ARHGAP31: variants seen among roughly 807,000 people sequenced by gnomAD.
ARHGAP31 encodes the protein Rho GTPase activating protein 31.
ARHGAP31 carries 34 observed loss-of-function variants against 113.9 expected under a neutral mutation model. That is an observed-to-expected ratio of 0.30 (90% CI 0.23 to 0.40). ARHGAP31 has a LOEUF of 0.40. Ranked by LOEUF, ARHGAP31 falls within the 10% of genes least tolerant of loss-of-function variation. The pLI is 1.00. For missense variants in ARHGAP31, 1,548 were observed against 1,767.1 expected (o/e 0.88, Z 2.22); for synonymous variants, 650 against 684.8 (o/e 0.95, Z 0.79).
At chr3:119,381,838 T>C (rs555677824) in intron 4 of ARHGAP31, among the ~76,000 whole-genome samples, 89 of 152,164 alleles carry the variant, frequency 5.8e-4, no homozygotes, top group Non-Finnish European at 1.0e-3. Flanking sequence ...TACAAAAAAT[T>C]AGCCGGGCGT....
chr3:119,365,199 A>G, intron 1 of ARHGAP31, 117 bp from the exon 2 acceptor site: 1 of 792,606 alleles, frequency 1.3e-6, no homozygotes, highest in East Asian at 2.7e-5. Context: ...CTTGTAAGTC[A>G]TATGAGTTCC....
chr3:119,415,645 C>A lies in ARHGAP31; in HGVS notation c.3716C>A (p.Thr1239Asn). Reference sequence around the variant, plus strand: ...AGGAGCCAGGAGGGACCCAGCTCAACCAGTGGGACCACTCAGAAACCTGCC... The same window carrying A: ...AGGAGCCAGGAGGGACCCAGCTCAAACAGTGGGACCACTCAGAAACCTGCC... ...LERSQEGPSS[T>N]SGTTQKPAKD... The change falls in exon 12 of 12, where the codon ACC (threonine) becomes AAC (asparagine). Residue 1239 changes from threonine to asparagine, a missense_variant. By Grantham distance (65) the Thr-to-Asn change is moderately conservative. Transcript: ENST00000264245. The A allele has an allele frequency of 6.2e-7, 1 of 1,614,140 alleles. No homozygotes were observed. The highest frequency in any genetic ancestry group is 1.6e-4 in the Middle Eastern group (1 of 6,062).
intron 1 of ARHGAP31, among the ~76,000 whole-genome samples, chr3:119,327,186 C>T (rs2079852733): frequency 6.6e-6 from 1 of 151,914 alleles, no homozygotes; most frequent in Admixed American, 6.6e-5. Flanking sequence ...AACTCATGGT[C>T]ACTTTCTCAG....
At chr3:119,323,094 C>T (rs548764239) in intron 1 of ARHGAP31, among the ~76,000 whole-genome samples, 1 of 152,346 alleles carries the variant, frequency 6.6e-6, no homozygotes, top group East Asian at 1.9e-4. Context: ...GCTCTGCGCG[C>T]CGCAGCTTCC....
intron 1 of ARHGAP31, among the ~76,000 whole-genome samples, chr3:119,296,038 G>A (rs549968042): frequency 6.4e-4 from 98 of 152,282 alleles, no homozygotes; most frequent in Non-Finnish European, 1.1e-3. Context: ...TACAACAAAG[G>A]GGAAAACTAA....
rs2080746074 is a variant in ARHGAP31 at position 119,414,218 on chromosome 3, A to T, written c.2289A>T (p.Ala763=). 2 of 1,614,088 alleles carry T rather than the reference A, an allele frequency of 1.2e-6. No homozygotes were observed. Among genetic ancestry groups the T allele is most frequent in the Non-Finnish European group, 8.5e-7 (1 of 1,180,042 alleles). The stretch of plus-strand genomic sequence containing the variant: ...TGGAAATAGTTCCTTTTGAGAAGGC[A>T]TCTCCACAAGCAACAGTGGAAGTAG... ...APLEIVPFEK[A]SPQATVEVGG... The change falls in exon 12 of 12, where the codon GCA becomes GCT. Residue 763 remains alanine, a synonymous_variant. Transcript: ENST00000264245.
At chr3:119,357,736 A>G (rs1475712666) in intron 1 of ARHGAP31, among the ~76,000 whole-genome samples, 1 of 152,232 alleles carries the variant, frequency 6.6e-6, no homozygotes, top group Non-Finnish European at 1.5e-5. Context: ...TTAAATGTAT[A>G]TAGTTTCTAA....
chr3:119,312,942 G>A (rs1302626766), intron 1 of ARHGAP31, among the ~76,000 whole-genome samples: 1 of 152,166 alleles, frequency 6.6e-6, no homozygotes, highest in African/African-American at 2.4e-5. Flanking sequence ...TTCGCATGGA[G>A]ATTGATATTC....
At chr3:119,322,210 C>T (rs899196886) in intron 1 of ARHGAP31, among the ~76,000 whole-genome samples, 1 of 152,206 alleles carries the variant, frequency 6.6e-6, no homozygotes. Context: ...GGGTTAATTA[C>T]TGATTCATAG....
chr3:119,366,767 A>T (rs2080255239), intron 2 of ARHGAP31, among the ~76,000 whole-genome samples: 1 of 149,906 alleles, frequency 6.7e-6, no homozygotes, highest in Non-Finnish European at 1.5e-5. Flanking sequence ...TTTAAAAGAG[A>T]ACTATGCCAA....
intron 8 of ARHGAP31, among the ~76,000 whole-genome samples, chr3:119,397,167 C>T (rs2080559961): frequency 6.6e-6 from 1 of 152,178 alleles, no homozygotes; most frequent in South Asian, 2.1e-4. Flanking sequence ...GGAGCCTGAG[C>T]TCTTAGTTAA....
intron 1 of ARHGAP31, among the ~76,000 whole-genome samples, chr3:119,362,788 G>A (rs1043717670): frequency 5.3e-5 from 8 of 149,546 alleles, no homozygotes; most frequent in African/African-American, 2.0e-4. Context: ...AAAAAAGGCG[G>A]GGGGTGGAGT....
chr3:119,399,111 T>C (rs2080576987), intron 8 of ARHGAP31, 88 bp from the exon 9 acceptor site: 2 of 1,189,688 alleles, frequency 1.7e-6, no homozygotes, highest in Non-Finnish European at 1.2e-6. Flanking sequence ...AAGAATTTTG[T>C]CTTGGGTACT....
chr3:119,375,602 T>C (rs1454502090), intron 3 of ARHGAP31, among the ~76,000 whole-genome samples: 1 of 152,240 alleles, frequency 6.6e-6, no homozygotes, highest in Non-Finnish European at 1.5e-5. Flanking sequence ...TTATTCAACC[T>C]ACTGTATTTC....
Position 119,419,290 on chromosome 3 carries a change from G to A in ARHGAP31, c.*3026G>A, listed in dbSNP as rs1002202064. The A allele has an allele frequency of 1.3e-5, 2 of 152,184 alleles. No homozygotes were observed. The highest frequency in any genetic ancestry group is 2.4e-5 in the African/African-American group (1 of 41,430). The allele number at this position is 152,184 out of a possible 1,614,324, so 9.4% of individuals were successfully genotyped here. ...TTGCAGTGAAACGCATGCATGTACTGACGTTTTCTTTCAGCATTAGTGGTT... is the reference window on the plus strand; with the variant it reads ...TTGCAGTGAAACGCATGCATGTACTAACGTTTTCTTTCAGCATTAGTGGTT... On this transcript the variant is annotated 3_prime_UTR_variant, in exon 12 of 12. Coordinates refer to ENST00000264245, the MANE Select transcript of ARHGAP31 (RefSeq NM_020754.4).
rs112784355 is a variant in ARHGAP31 at position 119,343,793 on chromosome 3, G to T, written c.101-21523G>T. ...AAACAGCTCCCCCTTATCTCTGTAG[G>T]ACGAGGAGCTCAGGGACACTCCTGT... On this transcript the variant is annotated intron_variant, in intron 1 of 11. Transcript: ENST00000264245. 9.4e-3 allele frequency among the ~76,000 whole-genome samples: 1,425 copies of T among 152,300 alleles called. 17 individuals are homozygous for T. The highest frequency in any genetic ancestry group is 0.02 in the Middle Eastern group (6 of 294).
chr3:119,379,836 G>GGA (rs1008444109), intron 3 of ARHGAP31, among the ~76,000 whole-genome samples: 4 of 152,200 alleles, frequency 2.6e-5, no homozygotes, highest in Non-Finnish European at 4.4e-5. Context: ...CAGTGAAAAA[G>GGA]GAAAGATAGC....
intron 1 of ARHGAP31, among the ~76,000 whole-genome samples, chr3:119,296,340 T>C (rs1194595909): frequency 6.6e-6 from 1 of 152,240 alleles, no homozygotes; most frequent in African/African-American, 2.4e-5. Flanking sequence ...TAACACTTCA[T>C]TGAATCCTCA....
Position 119,390,854 on chromosome 3 carries a change from A to G in ARHGAP31, c.752A>G (p.Glu251Gly). Residue 251 changes from glutamate (E) to glycine (G), a missense_variant, in exon 7 of 12, where the codon GAG becomes GGG. Coordinates refer to ENST00000264245, the MANE Select transcript of ARHGAP31 (RefSeq NM_020754.4). ...LSLPMKLVSL[E>G]EAQARSLATN... ...CTGCCCATGAAGCTGGTGAGCCTTG[A>G]GGAAGCTCAAGCCCGCAGCCTGGCC... 3.1e-6 allele frequency: 5 copies of G among 1,613,850 alleles called. No homozygotes were observed. The highest frequency in any genetic ancestry group is 4.2e-6 in the Non-Finnish European group (5 of 1,180,020).
Sources: allele counts gnomAD v4.1 joint callset (sites outside exome capture counted in the v4.1 genomes callset), GRCh38; gene constraint gnomAD v4.1.1; transcripts MANE v1.5; gene names NCBI Gene and HGNC (gene_info 2026-07-23, HGNC 2026-07-21).